DISC1: variants seen among roughly 807,000 people sequenced by gnomAD.
DISC1 encodes the protein DISC1 scaffold protein.
In DISC1, 57 loss-of-function variants were observed where a neutral mutation model predicts 84.5. The ratio of observed to expected loss-of-function variants is 0.67; its 90% CI spans 0.55 to 0.84. DISC1 has a LOEUF of 0.84. Ranked by LOEUF, DISC1 falls within the 40% of genes least tolerant of loss-of-function variation. The pLI, the probability that DISC1 is intolerant of heterozygous loss-of-function variation, is 0.00. For synonymous variants in DISC1, 411 were observed against 415.2 expected, an observed-to-expected ratio of 0.99 and a Z score of 0.12; for missense variants, 1,000 against 1,057.8, an observed-to-expected ratio of 0.95 and a Z score of 0.76.
intron 1 of DISC1, among the ~76,000 whole-genome samples, chr1:231,666,344 A>C (rs2062022370): frequency 6.6e-6 from 1 of 151,456 alleles, no homozygotes; most frequent in African/African-American, 2.4e-5. Flanking sequence ...AGTACGAATT[A>C]ATCTCTCCAG....
intron 10 of DISC1, among the ~76,000 whole-genome samples, chr1:232,000,543 T>C (rs1010853356): frequency 2.6e-5 from 4 of 151,624 alleles, no homozygotes; most frequent in African/African-American, 7.3e-5. Context: ...AAACAATGGC[T>C]AAAAGCTCCC....
At chr1:232,020,845 G>C (rs1668892802) in intron 11 of DISC1, among the ~76,000 whole-genome samples, 1 of 152,198 alleles carries the variant, frequency 6.6e-6, no homozygotes, top group African/African-American at 2.4e-5. Context: ...AATTGAGGTA[G>C]AGTTGACAGT....
chr1:231,856,721 C>T (rs1051946735), intron 9 of DISC1, among the ~76,000 whole-genome samples: 1 of 152,162 alleles, frequency 6.6e-6, no homozygotes, highest in African/African-American at 2.4e-5. Flanking sequence ...CCTTCATATC[C>T]TCTTGAAGCT....
chr1:231,722,508 C>G, intron 3 of DISC1: 2 of 1,614,062 alleles, frequency 1.2e-6, no homozygotes, highest in Non-Finnish European at 1.7e-6. Flanking sequence ...GTGTCCATTC[C>G]ACTCAGAGGT....
chr1:232,017,592 T>G (rs1025361732), intron 11 of DISC1, among the ~76,000 whole-genome samples: 3 of 151,736 alleles, frequency 2.0e-5, no homozygotes, highest in African/African-American at 7.3e-5. Flanking sequence ...GATGCCTTAT[T>G]ACACAGCCGA....
intron 6 of DISC1, among the ~76,000 whole-genome samples, chr1:231,787,731 C>T (rs2078002893): frequency 6.6e-6 from 1 of 152,218 alleles, no homozygotes; most frequent in South Asian, 2.1e-4. Flanking sequence ...TTGGAGCCAT[C>T]TTCTGATCTT....
In DISC1 at chr1:232,040,931, G is replaced by A. The variant is rs2103078935; in HGVS notation, c.*4100G>A. 1 of 152,342 alleles carries A rather than the reference G, an allele frequency of 6.6e-6. No individual in the cohort carries two copies. Among genetic ancestry groups the A allele is most frequent in the East Asian group, 1.9e-4 (1 of 5,184 alleles). The allele number at this position is 152,342 out of a possible 1,614,324, so 9.4% of individuals were successfully genotyped here. A position where few individuals can be genotyped will look rare whatever the true frequency, so the allele number is the denominator to read the frequency against. On this transcript the variant is annotated 3_prime_UTR_variant, in exon 13 of 13. Coordinates refer to ENST00000439617, the MANE Select transcript of DISC1 (RefSeq NM_018662.3). ...CTCATCCAATTGGTGTTTTTCAGAA[G>A]TGTTCCAATATTATGAATTCTGTGT...
chr1:231,762,856 A>T (rs540436930), intron 4 of DISC1, among the ~76,000 whole-genome samples: 1 of 152,258 alleles, frequency 6.6e-6, no homozygotes, highest in South Asian at 2.1e-4. Context: ...TTTGTTCCCC[A>T]TAGTTCGCTC....
At chr1:231,864,764 TAAG>T (rs2084935513) in intron 9 of DISC1, among the ~76,000 whole-genome samples, 1 of 152,220 alleles carries the variant, frequency 6.6e-6, no homozygotes, top group Non-Finnish European at 1.5e-5. Flanking sequence ...AGGTAGATGT[TAAG>T]AAGGCTTCCT....
intron 6 of DISC1, among the ~76,000 whole-genome samples, chr1:231,789,341 A>T (rs1223111408): frequency 5.3e-5 from 8 of 152,122 alleles, no homozygotes; most frequent in Non-Finnish European, 8.8e-5. Context: ...CAAAGAAGGG[A>T]GCTGTAGGAG....
chr1:231,863,107 A>C (rs1361627476), intron 9 of DISC1, among the ~76,000 whole-genome samples: 10 of 151,942 alleles, frequency 6.6e-5, no homozygotes, highest in Non-Finnish European at 2.9e-5. Context: ...ATAAGCTCCA[A>C]GTTTCAGCAC....
intron 1 of DISC1, among the ~76,000 whole-genome samples, chr1:231,642,279 G>A (rs900684388): frequency 5.9e-5 from 9 of 152,196 alleles, no homozygotes; most frequent in Admixed American, 1.3e-4. Flanking sequence ...GTTCCCGCCC[G>A]CGCCTCTCCC....
At chr1:231,790,923 C>T (rs902117029) in intron 6 of DISC1, among the ~76,000 whole-genome samples, 1 of 152,204 alleles carries the variant, frequency 6.6e-6, no homozygotes, top group Non-Finnish European at 1.5e-5. Context: ...CTCCAAACAT[C>T]GTCACATTCT....
chr1:231,853,146 T>A (rs16855280), intron 9 of DISC1, among the ~76,000 whole-genome samples: 10 of 152,330 alleles, frequency 6.6e-5, no homozygotes, highest in African/African-American at 2.4e-4. Context: ...GATATTTGCC[T>A]TTAGCATTCT....
At chr1:231,847,610 C>T (rs1365610178) in intron 9 of DISC1, among the ~76,000 whole-genome samples, 2 of 152,188 alleles carry the variant, frequency 1.3e-5, no homozygotes, top group African/African-American at 4.8e-5. Context: ...ATGCTGGAAC[C>T]TTCCTTACAT....
intron 10 of DISC1, among the ~76,000 whole-genome samples, chr1:231,998,274 T>C (rs1666213621): frequency 6.6e-6 from 1 of 151,668 alleles, no homozygotes; most frequent in Admixed American, 6.6e-5. Context: ...AATATGAAGA[T>C]CAACATTCAT....
chr1:231,822,259 A>T (rs2081552057), intron 9 of DISC1, among the ~76,000 whole-genome samples: 2 of 152,202 alleles, frequency 1.3e-5, no homozygotes, highest in Admixed American at 6.5e-5. Context: ...TAGAAAAGAT[A>T]CTGCAGATGT....
intron 9 of DISC1, among the ~76,000 whole-genome samples, chr1:231,934,171 G>A (rs749125733): frequency 6.6e-6 from 1 of 152,212 alleles, no homozygotes; most frequent in Non-Finnish European, 1.5e-5. Context: ...TGCAGCAATA[G>A]CTGTGAGGGC....
chr1:231,961,930 T>C (rs557480920), intron 10 of DISC1, among the ~76,000 whole-genome samples: 2 of 152,310 alleles, frequency 1.3e-5, no homozygotes, highest in East Asian at 3.9e-4. Flanking sequence ...GGCAGTTCTG[T>C]TTTAAGTTCT....
Sources: allele counts gnomAD v4.1 joint callset (sites outside exome capture counted in the v4.1 genomes callset), GRCh38; gene constraint gnomAD v4.1.1; transcripts MANE v1.5; gene names NCBI Gene and HGNC (gene_info 2026-07-23, HGNC 2026-07-21).